The following PDE6C variants were observed in gnomAD, a reference collection of about 807,000 sequenced individuals.
The protein encoded by PDE6C is cone cGMP-specific 3',5'-cyclic phosphodiesterase subunit alpha'.
PDE6C carries 75 observed loss-of-function variants against 113.1 expected under a neutral mutation model. The observed-to-expected ratio is 0.66, with a 90% CI of 0.55 to 0.80. PDE6C has a LOEUF of 0.80. Among genes scored for constraint, PDE6C ranks in the 30% least tolerant of loss-of-function variants. The probability of loss-of-function intolerance (pLI) is 0.00; values close to 1 mark genes in which losing one functional copy is unlikely to be tolerated. For missense variants in PDE6C, 912 were observed against 1,038.6 expected (o/e 0.88, Z 1.67); for synonymous variants, 375 against 363.7 (o/e 1.03, Z -0.35).
chr10:93,639,849 A>C (rs1282302010), intron 11 of PDE6C, among the ~76,000 whole-genome samples: 1 of 152,246 alleles, frequency 6.6e-6, no homozygotes, highest in Non-Finnish European at 1.5e-5. Flanking sequence ...AATATGGCCA[A>C]GTCTCAGTTT....
At chr10:93,640,366 C>A (rs907406463) in intron 12 of PDE6C, 84 bp from the exon 13 acceptor site, 2 of 1,268,354 alleles carry the variant, frequency 1.6e-6, no homozygotes, top group Non-Finnish European at 2.3e-6. Context: ...ACAAGACCAA[C>A]ACATCTTTTT....
rs2058685417 is a variant in PDE6C at position 93,665,407 on chromosome 10, T to C, written c.2566T>C (p.Leu856=). Residue 856 remains leucine (L), a synonymous_variant, in exon 22 of 22, where the codon TTA becomes CTA. Coordinates refer to ENST00000371447, the MANE Select transcript of PDE6C (RefSeq NM_006204.4). ...GGDDKKSKTC[L]ML is the part of the protein sequence containing the mutation. Reference sequence around the variant, plus strand: ...TGATGACAAAAAGTCCAAAACATGTTTAATGTTGTAATATTATCTAACTGG... The same window carrying C: ...TGATGACAAAAAGTCCAAAACATGTCTAATGTTGTAATATTATCTAACTGG... 6.3e-7 allele frequency: 1 copy of C among 1,598,334 alleles called. No individual in the cohort carries two copies. The highest frequency in any genetic ancestry group is 8.6e-7 in the Non-Finnish European group (1 of 1,165,812).
chr10:93,652,117 A>C (rs2058612068), intron 15 of PDE6C, among the ~76,000 whole-genome samples: 1 of 152,200 alleles, frequency 6.6e-6, no homozygotes, highest in East Asian at 1.9e-4. Flanking sequence ...AAAGAAAAAG[A>C]AAATGAGGAC....
intron 15 of PDE6C, among the ~76,000 whole-genome samples, chr10:93,646,939 C>A (rs1320338199): frequency 1.3e-5 from 2 of 152,152 alleles, no homozygotes; most frequent in Non-Finnish European, 2.9e-5. Flanking sequence ...AGGGAGAAAC[C>A]ACATTTGTGT....
chr10:93,629,205 A>G (rs1297829881), intron 7 of PDE6C, 53 bp from the exon 8 acceptor site: 2 of 1,364,986 alleles, frequency 1.5e-6, no homozygotes, highest in Non-Finnish European at 2.1e-6. Context: ...TTGTGGATCA[A>G]GAGGGCTCCA....
chr10:93,634,658 G>A, intron 8 of PDE6C, 100 bp from the exon 9 acceptor site: 1 of 1,284,398 alleles, frequency 7.8e-7, no homozygotes, highest in Non-Finnish European at 1.1e-6. Context: ...AAGGGTACCT[G>A]AAATCTCTCT....
intron 18 of PDE6C, among the ~76,000 whole-genome samples, chr10:93,661,133 A>G (rs1306308633): frequency 6.6e-6 from 1 of 152,100 alleles, no homozygotes; most frequent in African/African-American, 2.4e-5. Context: ...GGAACCCTAG[A>G]CTCCAAGAGT....
At chr10:93,633,713 C>A (rs2058514252) in intron 8 of PDE6C, among the ~76,000 whole-genome samples, 1 of 152,114 alleles carries the variant, frequency 6.6e-6, no homozygotes, top group African/African-American at 2.4e-5. Flanking sequence ...GAAAGACTAT[C>A]TTCATGGATC....
At chr10:93,621,474 G>A (rs2058446003) in intron 3 of PDE6C, among the ~76,000 whole-genome samples, 1 of 152,160 alleles carries the variant, frequency 6.6e-6, no homozygotes, top group South Asian at 2.1e-4. Flanking sequence ...CCAGTACAAT[G>A]CACGAGTAGA....
intron 3 of PDE6C, 32 bp downstream of exon 3, chr10:93,621,012 C>T (rs768942083): frequency 3.2e-6 from 5 of 1,555,318 alleles, no homozygotes; most frequent in South Asian, 2.2e-5. Flanking sequence ...TCATTCCATG[C>T]TGACCTATTC....
Position 93,665,472 on chromosome 10 carries a change from G to T in PDE6C, c.*54G>T. 1 of 1,171,140 alleles carries T rather than the reference G, an allele frequency of 8.5e-7. No individual in the cohort carries two copies. Among genetic ancestry groups the T allele is most frequent in the South Asian group, 1.2e-5 (1 of 82,044 alleles). 72.5% of individuals were successfully genotyped at this position (1,171,140 alleles called of 1,614,324 possible). ...ATCATTTTACCTTTGAAGAAAACCA[G>T]AAAACATTCAAAAGAACTTCAACAA... On this transcript the variant is annotated 3_prime_UTR_variant, in exon 22 of 22. Transcript: ENST00000371447.
At chr10:93,651,940 T>C (rs10882293) in intron 15 of PDE6C, among the ~76,000 whole-genome samples, 70,543 of 152,030 alleles carry the variant, frequency 0.46, 17,342 homozygotes, top group Non-Finnish European at 0.54. Context: ...GACCTCTTGC[T>C]CTAATTAAAG....
At chr10:93,653,719 T>C (rs2058620411) in intron 15 of PDE6C, among the ~76,000 whole-genome samples, 1 of 152,182 alleles carries the variant, frequency 6.6e-6, no homozygotes. Flanking sequence ...CTCTCTTTTG[T>C]TTTTGTAATT....
chr10:93,629,637 G>A (rs969400687), intron 8 of PDE6C, among the ~76,000 whole-genome samples: 15 of 152,154 alleles, frequency 9.9e-5, no homozygotes, highest in African/African-American at 3.6e-4. Context: ...GGGTGGGGTG[G>A]GAGATGGTTT....
chr10:93,653,318 A>G (rs1241450728), intron 15 of PDE6C, among the ~76,000 whole-genome samples: 1 of 152,170 alleles, frequency 6.6e-6, no homozygotes, highest in Non-Finnish European at 1.5e-5. Context: ...TGATATGTAC[A>G]ATAGACTTCT....
rs1020648732 is a variant in PDE6C at position 93,626,220 on chromosome 10, G to A, written c.940-420G>A. On this transcript the variant is annotated intron_variant, in intron 5 of 21. Transcript: ENST00000371447. ...TAAGTCACTGATGAAAGGAGGGTAC[G>A]GGTCACTATATATAATGTAAAACTG... 7.9e-5 allele frequency among the ~76,000 whole-genome samples: 12 copies of A among 152,126 alleles called. No individual in the cohort carries two copies. In the South Asian group the frequency reaches 1.7e-3, roughly 21 times the overall value.
Position 93,625,623 on chromosome 10 carries a change from A to G in PDE6C, c.913A>G (p.Lys305Glu), listed in dbSNP as rs759590474. ...CAAGCTTGGAGAAGTAGAGCCTTATAAAGGTCCAAAGACACCTGATGGCAG... is the reference window on the plus strand; with the variant it reads ...CAAGCTTGGAGAAGTAGAGCCTTATGAAGGTCCAAAGACACCTGATGGCAG... ...PIKLGEVEPY[K>E]GPKTPDGREV... is the part of the protein sequence containing the mutation. The change falls in exon 5 of 22, where the codon AAA becomes GAA. Residue 305 changes from lysine (K) to glutamate (E), a missense_variant. Coordinates refer to ENST00000371447, the MANE Select transcript of PDE6C (RefSeq NM_006204.4). 1 of 1,613,282 alleles carries G rather than the reference A, an allele frequency of 6.2e-7. No individual in the cohort carries two copies. The highest frequency in any genetic ancestry group is 8.5e-7 in the Non-Finnish European group (1 of 1,179,214).
intron 14 of PDE6C, among the ~76,000 whole-genome samples, chr10:93,643,873 T>A (rs1361855926): frequency 6.6e-6 from 1 of 152,172 alleles, no homozygotes; most frequent in Non-Finnish European, 1.5e-5. Context: ...AAGTGTTTTT[T>A]AAAAATTTTC....
In PDE6C at chr10:93,623,823, A is replaced by G. The variant is rs191542079; in HGVS notation, c.864+1751A>G. 6.0e-3 allele frequency among the ~76,000 whole-genome samples: 916 copies of G among 152,152 alleles called. 5 individuals are homozygous for G. The highest frequency in any genetic ancestry group is 0.014 in the Middle Eastern group (4 of 294). On this transcript the variant is annotated intron_variant, in intron 4 of 21. Transcript: ENST00000371447. Reference sequence around the variant, plus strand: ...CATTGATTCATTTGTCCATTCTTTCACTAATACCACACTGTCTTGATTATT... The same window carrying G: ...CATTGATTCATTTGTCCATTCTTTCGCTAATACCACACTGTCTTGATTATT...
Sources: gnomAD v4.1 joint callset for allele counts (sites outside exome capture counted in the v4.1 genomes callset) on GRCh38, gnomAD v4.1.1 for gene constraint, MANE v1.5 for transcripts, NCBI Gene and HGNC (gene_info 2026-07-23, HGNC 2026-07-21) for gene names.